FBXO42: variants seen among roughly 807,000 people sequenced by gnomAD.
FBXO42 encodes F-box only protein 42.
Under a neutral mutation model 71.7 loss-of-function variants are expected in FBXO42, and 12 were observed. The observed-to-expected ratio is 0.17, with a 90% CI of 0.11 to 0.27. The LOEUF is 0.27. FBXO42 is among the 10% of genes least tolerant of loss of function. FBXO42 has a pLI of 1.00. For synonymous variants in FBXO42, 325 were observed against 327.5 expected (o/e 0.99, Z 0.08); for missense variants, 707 against 911.9 (o/e 0.78, Z 2.89).
intron 4 of FBXO42, among the ~76,000 whole-genome samples, chr1:16,285,457 A>G (rs534088154): frequency 6.6e-6 from 1 of 152,012 alleles, no homozygotes; most frequent in Admixed American, 6.5e-5. Context: ...TATTTTTAGT[A>G]GAGACGGGGT....
intron 2 of FBXO42, among the ~76,000 whole-genome samples, chr1:16,309,127 G>A (rs1224423370): frequency 7.3e-6 from 1 of 136,904 alleles, no homozygotes; most frequent in African/African-American, 2.8e-5. Flanking sequence ...GAGTGCTGTG[G>A]CGCGATCTTG....
chr1:16,327,846 C>T (rs1236318107), intron 1 of FBXO42, among the ~76,000 whole-genome samples: 1 of 152,138 alleles, frequency 6.6e-6, no homozygotes, highest in Non-Finnish European at 1.5e-5. Flanking sequence ...GGACTACAGG[C>T]ACACACCACC....
intron 4 of FBXO42, among the ~76,000 whole-genome samples, chr1:16,282,220 C>CTTTT (rs58853820): frequency 4.4e-5 from 6 of 136,248 alleles, no homozygotes; most frequent in Non-Finnish European, 6.2e-5. Flanking sequence ...GAGACATTTT[C>CTTTT]TTTTTTTTTT....
chr1:16,321,585 C>T (rs533832117), intron 1 of FBXO42, among the ~76,000 whole-genome samples: 5 of 152,236 alleles, frequency 3.3e-5, no homozygotes, highest in African/African-American at 1.2e-4. Flanking sequence ...TCCCTGGAGG[C>T]AGGACCATTG....
intron 4 of FBXO42, chr1:16,294,287 G>A (rs919317579): frequency 6.5e-6 from 1 of 152,816 alleles, no homozygotes; most frequent in African/African-American, 2.4e-5. Context: ...TAGTGGGACT[G>A]GGTAGGAATG....
chr1:16,289,212 T>C (rs1290777894), intron 4 of FBXO42, among the ~76,000 whole-genome samples: 3 of 151,184 alleles, frequency 2.0e-5, no homozygotes, highest in Non-Finnish European at 1.5e-5. Context: ...CCAGGCAACA[T>C]AGTGACACCC....
intron 1 of FBXO42, among the ~76,000 whole-genome samples, chr1:16,350,188 A>G (rs2082686240): frequency 6.6e-6 from 1 of 152,112 alleles, no homozygotes; most frequent in Non-Finnish European, 1.5e-5. Context: ...AAATCTGGAG[A>G]GCAAATGATG....
intron 1 of FBXO42, among the ~76,000 whole-genome samples, chr1:16,319,241 G>A (rs189580679): frequency 1.4e-3 from 219 of 152,266 alleles, no homozygotes; most frequent in African/African-American, 4.8e-3. Flanking sequence ...GTGACAGACC[G>A]GGGAGAGCAG....
chr1:16,253,855 T>C (rs757303378), intron 6 of FBXO42, 124 bp from the exon 7 acceptor site: 21 of 785,980 alleles, frequency 2.7e-5, no homozygotes, highest in Non-Finnish European at 3.7e-5. Flanking sequence ...TTTCACAGAC[T>C]GTGTGGGCTG....
Position 16,282,076 on chromosome 1 carries a change from C to A in FBXO42, c.502+12707G>T, listed in dbSNP as rs535383189. ...TGCTTCCTAATGATAGCTGAGGAAT[C>A]CAGTTTAGCACATCACATACTCACC... On this transcript the variant is annotated intron_variant, in intron 4 of 9. Coordinates refer to ENST00000375592, the MANE Select transcript of FBXO42 (RefSeq NM_018994.3). Among the ~76,000 whole-genome samples the A allele has an allele frequency of 3.3e-5, 5 of 152,110 alleles. No individual in the cohort carries two copies. The East Asian group carries it at 9.7e-4, about 29-fold the overall frequency.
chr1:16,336,083 G>A (rs1031442565), intron 1 of FBXO42, among the ~76,000 whole-genome samples: 3 of 149,904 alleles, frequency 2.0e-5, no homozygotes, highest in East Asian at 4.1e-4. Flanking sequence ...GATTACAGGC[G>A]CCTGCCACCA....
intron 2 of FBXO42, among the ~76,000 whole-genome samples, chr1:16,307,611 T>C (rs2082265548): frequency 6.6e-6 from 1 of 151,636 alleles, no homozygotes; most frequent in African/African-American, 2.4e-5. Context: ...ATAAGCAAGA[T>C]TGCAGGATAC....
chr1:16,271,524 GCCCA>G (rs1239554044), intron 4 of FBXO42, among the ~76,000 whole-genome samples: 1 of 151,686 alleles, frequency 6.6e-6, no homozygotes, highest in Non-Finnish European at 1.5e-5. Context: ...CAGATGATCT[GCCCA>G]CCTCAGCTTC....
chr1:16,316,566 T>C (rs989709391), intron 1 of FBXO42, among the ~76,000 whole-genome samples: 1 of 151,446 alleles, frequency 6.6e-6, no homozygotes, highest in South Asian at 2.1e-4. Flanking sequence ...CGAAATCCCA[T>C]CTCTACTAAA....
intron 1 of FBXO42, among the ~76,000 whole-genome samples, chr1:16,320,770 C>T (rs1288787440): frequency 1.3e-5 from 2 of 151,994 alleles, no homozygotes; most frequent in African/African-American, 4.8e-5. Flanking sequence ...CCATGTTAGC[C>T]AGGCTGGTCT....
intron 1 of FBXO42, among the ~76,000 whole-genome samples, chr1:16,316,718 G>C (rs1216712416): frequency 1.1e-4 from 10 of 93,848 alleles, no homozygotes; most frequent in East Asian, 3.3e-4. Context: ...CTGGGACACA[G>C]AGAAAGACTC....
At chr1:16,298,503 C>A (rs530532293) in intron 3 of FBXO42, among the ~76,000 whole-genome samples, 1 of 152,116 alleles carries the variant, frequency 6.6e-6, no homozygotes, top group East Asian at 1.9e-4. Context: ...TTAGCAATGT[C>A]CTATGAGTTA....
intron 1 of FBXO42, among the ~76,000 whole-genome samples, chr1:16,316,863 G>A (rs2082371961): frequency 2.0e-5 from 3 of 150,986 alleles, no homozygotes; most frequent in Non-Finnish European, 2.9e-5. Flanking sequence ...TAAAAAACTA[G>A]AACAACATGA....
At chr1:16,258,977 C>A (rs191222846) in intron 4 of FBXO42, among the ~76,000 whole-genome samples, 3 of 152,182 alleles carry the variant, frequency 2.0e-5, no homozygotes, top group East Asian at 3.9e-4. Context: ...TGGCCTCAAG[C>A]GATCCTCCCG....
Sources: allele counts gnomAD v4.1 joint callset (sites outside exome capture counted in the v4.1 genomes callset), GRCh38; gene constraint gnomAD v4.1.1; transcripts MANE v1.5; gene names NCBI Gene and HGNC (gene_info 2026-07-23, HGNC 2026-07-21).